The following RYR3 variants were observed in gnomAD, a reference collection of about 807,000 sequenced individuals.
RYR3 encodes the protein ryanodine receptor 3.
Under a neutral mutation model 584.3 loss-of-function variants are expected in RYR3, and 207 were observed. The observed-to-expected ratio is 0.35, with a 90% CI of 0.32 to 0.40. The LOEUF is 0.40. Among genes scored for constraint, RYR3 ranks in the 10% least tolerant of loss-of-function variants. RYR3 has a pLI of 1.00. For missense variants in RYR3, 5,616 were observed against 6,089.2 expected, an observed-to-expected ratio of 0.92 and a Z score of 2.59; for synonymous variants, 2,416 against 2,248.5, an observed-to-expected ratio of 1.07 and a Z score of -2.11.
chr15:33,496,983 G>A (rs1277233885), intron 2 of RYR3, among the ~76,000 whole-genome samples: 1 of 152,154 alleles, frequency 6.6e-6, no homozygotes, highest in Admixed American at 6.5e-5. Flanking sequence ...TGTCCCCAGA[G>A]CAGCTGGTAC....
At chr15:33,814,676 A>G (rs1486867749) in intron 74 of RYR3, among the ~76,000 whole-genome samples, 1 of 152,088 alleles carries the variant, frequency 6.6e-6, no homozygotes, top group African/African-American at 2.4e-5. Flanking sequence ...AGGCAGGCAG[A>G]TCACTTAAGG....
At chr15:33,335,925 C>T (rs1970910328) in intron 1 of RYR3, among the ~76,000 whole-genome samples, 1 of 151,510 alleles carries the variant, frequency 6.6e-6, no homozygotes. Context: ...AATTTAAAAC[C>T]TAAAGAATAA....
intron 45 of RYR3, among the ~76,000 whole-genome samples, chr15:33,725,798 A>AAG (rs2068355984): frequency 6.7e-6 from 1 of 149,506 alleles, no homozygotes; most frequent in Non-Finnish European, 1.5e-5. Flanking sequence ...TCTCTACTAA[A>AAG]AAAAAAAAAA....
Position 33,785,642 on chromosome 15 carries a change from T to A in RYR3, c.9269-20T>A, listed in dbSNP as rs1220515406. ...ACTGTGCTTTTGAATTTCTGTCCCT[T>A]TATTCTTCCTCTCAATCAGTTCTGG... On this transcript the variant is annotated intron_variant, in intron 65 of 103. Coordinates refer to ENST00000634891, the MANE Select transcript of RYR3 (RefSeq NM_001036.6). The A allele has an allele frequency of 3.3e-6, 5 of 1,536,082 alleles. No individual in the cohort carries two copies. In the African/African-American group the frequency reaches 6.9e-5, roughly 21 times the overall value.
intron 10 of RYR3, among the ~76,000 whole-genome samples, chr15:33,552,935 G>A (rs2056794064): frequency 6.6e-6 from 1 of 152,120 alleles, no homozygotes; most frequent in Non-Finnish European, 1.5e-5. Flanking sequence ...ACAATACCCA[G>A]CAGAAAGAGG....
intron 45 of RYR3, among the ~76,000 whole-genome samples, chr15:33,724,414 C>T (rs559206495): frequency 5.3e-5 from 8 of 152,350 alleles, no homozygotes; most frequent in Admixed American, 1.3e-4. Flanking sequence ...ACTAGTTGAG[C>T]ATGTCCTCTG....
chr15:33,647,352 C>G, intron 29 of RYR3, 72 bp from the exon 30 acceptor site: 1 of 1,216,638 alleles, frequency 8.2e-7, no homozygotes, highest in Non-Finnish European at 1.2e-6. Context: ...GAAGGTAGAT[C>G]AAGTTGCCTG....
At chr15:33,755,360 C>A (rs979369366) in intron 58 of RYR3, among the ~76,000 whole-genome samples, 180 bp downstream of exon 58, 2 of 152,154 alleles carry the variant, frequency 1.3e-5, no homozygotes, top group Non-Finnish European at 2.9e-5. Context: ...GTGGCTCACA[C>A]CTGTAATCCC....
At position 33,633,037 on chromosome 15, in the gene RYR3, C is replaced by A. The variant is rs1226188243; in HGVS notation, c.2956C>A (p.Leu986Ile). Residue 986 changes from leucine to isoleucine, a missense_variant, in exon 24 of 104, where the codon CTT becomes ATT. Transcript: ENST00000634891. ...LPPQEILVDK[L>I]AENAHNVWAK... ...TCCTCAAGAAATTTTAGTGGATAAG[C>A]TTGCAGAAAATGCACACAATGTTTG... 6.2e-7 allele frequency: 1 copy of A among 1,613,994 alleles called. No individual in the cohort carries two copies. The highest frequency in any genetic ancestry group is 1.7e-5 in the Admixed American group (1 of 60,020).
chr15:33,864,293 C>A, intron 103 of RYR3, 104 bp downstream of exon 103: 2 of 839,332 alleles, frequency 2.4e-6, no homozygotes, highest in South Asian at 1.7e-5. Flanking sequence ...CCCCATTAAT[C>A]CCGTGAATGC....
intron 99 of RYR3, 104 bp downstream of exon 99, chr15:33,858,018 T>TAG (rs1294904468): frequency 7.0e-7 from 1 of 1,425,500 alleles, no homozygotes; most frequent in Non-Finnish European, 9.5e-7. Context: ...TTGAGAACTG[T>TAG]AGAGTTAGTT....
At chr15:33,433,097 T>A (rs2045345101) in intron 1 of RYR3, among the ~76,000 whole-genome samples, 1 of 152,120 alleles carries the variant, frequency 6.6e-6, no homozygotes, top group Admixed American at 6.5e-5. Context: ...GAAGATAAAA[T>A]GGGACTCTCC....
chr15:33,317,138 G>T (rs1968292857), intron 1 of RYR3, among the ~76,000 whole-genome samples: 1 of 152,120 alleles, frequency 6.6e-6, no homozygotes, highest in Non-Finnish European at 1.5e-5. Flanking sequence ...TTTTCTTATT[G>T]AATCCCGTAG....
intron 60 of RYR3, among the ~76,000 whole-genome samples, chr15:33,763,801 G>A (rs1250136693): frequency 6.8e-6 from 1 of 146,500 alleles, no homozygotes; most frequent in Non-Finnish European, 1.5e-5. Flanking sequence ...GCTGAAGCAG[G>A]ACAATCGCTT....
In RYR3 at chr15:33,662,171, G is replaced by T. The variant is rs2152705984; in HGVS notation, c.4641G>T (p.Glu1547Asp). The T allele has an allele frequency of 1.3e-6, 2 of 1,599,328 alleles. No homozygotes were observed. Among genetic ancestry groups the T allele is most frequent in the Non-Finnish European group, 1.7e-6 (2 of 1,173,854 alleles). Residue 1547 changes from glutamate (E) to aspartate (D), a missense_variant, in exon 35 of 104, where the codon GAG becomes GAT. Glu to Asp is a conservative substitution (Grantham distance 45). This residue lies in a region of RYR3 where 753 missense variants were observed against 741.0 expected (regional missense o/e 1.02). Coordinates refer to ENST00000634891, the MANE Select transcript of RYR3 (RefSeq NM_001036.6). ...TCCTCAGGTGTGTGGATATCCTGGAGCTCTGTGAGCAGGAGGACCTGATGC... is the reference window on the plus strand; with the variant it reads ...TCCTCAGGTGTGTGGATATCCTGGATCTCTGTGAGCAGGAGGACCTGATGC... ...PEENRCVDIL[E>D]LCEQEDLMRF...
chr15:33,601,299 G>T, intron 16 of RYR3, 120 bp from the exon 17 acceptor site: 1 of 962,112 alleles, frequency 1.0e-6, no homozygotes, highest in South Asian at 1.7e-5. Flanking sequence ...CTCTGAGCTG[G>T]CTCTCTACCC....
chr15:33,685,868 G>A (rs980425567), intron 38 of RYR3, among the ~76,000 whole-genome samples: 1 of 152,170 alleles, frequency 6.6e-6, no homozygotes, highest in Non-Finnish European at 1.5e-5. Context: ...AATTAAAGCA[G>A]AAATAACGAT....
intron 2 of RYR3, among the ~76,000 whole-genome samples, chr15:33,476,426 A>T (rs1457014889): frequency 6.6e-6 from 1 of 152,230 alleles, no homozygotes; most frequent in East Asian, 1.9e-4. Context: ...GATACATGTC[A>T]TCCATAATTT....
chr15:33,356,193 ACT>A (rs1328095664), intron 1 of RYR3, among the ~76,000 whole-genome samples: 10 of 151,932 alleles, frequency 6.6e-5, no homozygotes, highest in Non-Finnish European at 1.2e-4. Flanking sequence ...CTTATGTCTG[ACT>A]CTTACTAGAT....
Sources: allele counts gnomAD v4.1 joint callset (sites outside exome capture counted in the v4.1 genomes callset), GRCh38; gene constraint gnomAD v4.1.1; regional missense constraint gnomAD v4.1.1; transcripts MANE v1.5; gene names NCBI Gene and HGNC (gene_info 2026-07-23, HGNC 2026-07-21).